CC2D2B: variants seen among roughly 807,000 people sequenced by gnomAD.
The protein encoded by CC2D2B is coiled-coil and C2 domain containing 2B, also known as protein CC2D2B.
In CC2D2B, 128 loss-of-function variants were observed where a neutral mutation model predicts 161.2. The observed-to-expected ratio is 0.79, with a 90% confidence interval of 0.69 to 0.92. The LOEUF (loss-of-function observed/expected upper bound fraction) is 0.92, where lower values mean the gene tolerates loss of function less well. Among genes scored for constraint, CC2D2B ranks in the 40% least tolerant of loss-of-function variants. The pLI is 0.00. For synonymous variants in CC2D2B, 391 were observed against 449.8 expected, an observed-to-expected ratio of 0.87 and a Z score of 1.65; for missense variants, 1,173 against 1,375.1, an observed-to-expected ratio of 0.85 and a Z score of 2.32.
intron 33 of CC2D2B, 117 bp from the exon 34 acceptor site, chr10:96,027,094 GC>G: frequency 2.8e-6 from 2 of 708,876 alleles, no homozygotes; most frequent in Non-Finnish European, 4.3e-6. Context: ...TTGCACTCCA[GC>G]CTGGGGGACA....
intron 11 of CC2D2B, among the ~76,000 whole-genome samples, chr10:95,959,812 A>T (rs2141406131): frequency 1.3e-5 from 2 of 152,300 alleles, no homozygotes; most frequent in Middle Eastern, 6.8e-3. Flanking sequence ...AAGTTATGAA[A>T]CACAGAAGAA....
At chr10:95,990,623 A>G (rs2077914981) in intron 20 of CC2D2B, among the ~76,000 whole-genome samples, 1 of 152,138 alleles carries the variant, frequency 6.6e-6, no homozygotes, top group African/African-American at 2.4e-5. Flanking sequence ...TTCATCTCTC[A>G]CCACTCCATT....
chr10:96,027,429 T>C (rs2141971721), intron 34 of CC2D2B, 40 bp downstream of exon 34: 1 of 1,387,092 alleles, frequency 7.2e-7, no homozygotes, highest in East Asian at 2.6e-5. Context: ...ATTTGTTTTA[T>C]ATATGTTGTT....
At chr10:95,992,775 G>A (rs2078005094) in intron 22 of CC2D2B, 78 bp downstream of exon 22, 3 of 972,404 alleles carry the variant, frequency 3.1e-6, no homozygotes, top group African/African-American at 1.7e-5. Context: ...TGTTCTATTT[G>A]TAAACCTTTG....
Position 96,016,189 on chromosome 10 carries a change from G to C in CC2D2B, c.3517-12G>C, listed in dbSNP as rs886818401. The C allele has an allele frequency of 6.3e-7, 1 of 1,583,160 alleles. No homozygotes were observed. Among genetic ancestry groups the C allele is most frequent in the South Asian group, 1.1e-5 (1 of 89,780 alleles). ...TTCTTTTTTTGTTCCTATTGCTTTT[G>C]TTTTGTCTTAGCACTGCATCAGTTT... On this transcript the variant is annotated splice_polypyrimidine_tract_variant and intron_variant, in intron 29 of 34. Coordinates refer to ENST00000646931, the MANE Select transcript of CC2D2B (RefSeq NM_001349008.3).
Position 95,922,077 on chromosome 10 carries a change from G to T in CC2D2B, c.97+1G>T, listed in dbSNP as rs1454234347. ...ATTATAGACAAGCATCTCCAAAAAG[G>T]TTCTCAATAAGTATACCATAACTCT... On this transcript the variant is annotated splice_donor_variant, in intron 3 of 34. Coordinates refer to ENST00000646931, the MANE Select transcript of CC2D2B (RefSeq NM_001349008.3). LOFTEE classifies it high-confidence loss of function. The T allele has an allele frequency of 6.1e-6, 9 of 1,483,918 alleles. No individual in the cohort carries two copies. The highest frequency in any genetic ancestry group is 8.3e-6 in the Non-Finnish European group (9 of 1,088,098). 91.9% of individuals were successfully genotyped at this position (1,483,918 alleles called of 1,614,324 possible).
At chr10:95,909,057 T>A (rs1311100289) in intron 1 of CC2D2B, among the ~76,000 whole-genome samples, 2 of 152,086 alleles carry the variant, frequency 1.3e-5, no homozygotes, top group Non-Finnish European at 2.9e-5. Context: ...GAGCAGTGGG[T>A]GATTTAGTTT....
intron 24 of CC2D2B, among the ~76,000 whole-genome samples, chr10:96,003,021 A>AATATAT (rs57187442): frequency 6.5e-4 from 92 of 140,702 alleles, no homozygotes; most frequent in Middle Eastern, 3.7e-3. Flanking sequence ...AAAATAAATA[A>AATATAT]ATATATATAT....
At chr10:95,927,055 C>T (rs1195778647) in intron 5 of CC2D2B, among the ~76,000 whole-genome samples, 182 bp from the exon 6 acceptor site, 1 of 151,932 alleles carries the variant, frequency 6.6e-6, no homozygotes, top group Non-Finnish European at 1.5e-5. Context: ...AGAAACAAAA[C>T]AAAAATAAAA....
intron 11 of CC2D2B, among the ~76,000 whole-genome samples, chr10:95,957,880 AT>A (rs1363756723): frequency 1.3e-5 from 2 of 151,466 alleles, no homozygotes; most frequent in African/African-American, 2.4e-5. Context: ...AAAAAAAAAA[AT>A]AACAATAACA....
chr10:95,971,742 CAG>C (rs1279939508), intron 15 of CC2D2B, among the ~76,000 whole-genome samples: 1 of 152,074 alleles, frequency 6.6e-6, no homozygotes, highest in East Asian at 1.9e-4. Flanking sequence ...TAATTTTTAT[CAG>C]ATTTACATGA....
intron 19 of CC2D2B, among the ~76,000 whole-genome samples, chr10:95,986,225 C>T (rs1351734703): frequency 1.3e-5 from 2 of 150,212 alleles, no homozygotes; most frequent in Non-Finnish European, 3.0e-5. Flanking sequence ...AACCTGCCAA[C>T]ATGAGATGTC....
At chr10:95,916,126 G>A (rs2098515881) in intron 2 of CC2D2B, among the ~76,000 whole-genome samples, 1 of 151,932 alleles carries the variant, frequency 6.6e-6, no homozygotes, top group Admixed American at 6.6e-5. Flanking sequence ...GTTCAATCTT[G>A]GTAGGTTGTA....
Position 96,016,217 on chromosome 10 carries a change from C to G in CC2D2B, c.3533C>G (p.Ala1178Gly). The G allele has an allele frequency of 6.2e-7, 1 of 1,611,132 alleles. No homozygotes were observed. Among genetic ancestry groups the G allele is most frequent in the Non-Finnish European group, 8.5e-7 (1 of 1,178,364 alleles). The change falls in exon 30 of 35, where the codon GCT (alanine) becomes GGT (glycine). Residue 1178 changes from alanine to glycine, a missense_variant. Ala to Gly is a moderately conservative substitution (Grantham distance 60). Coordinates refer to ENST00000646931, the MANE Select transcript of CC2D2B (RefSeq NM_001349008.3). ...WMTSEHCISL[A>G]IGNKEEHAIL... ...TTGTCTTAGCACTGCATCAGTTTAGCTATCGGAAATAAGGAGGAGCATGCC... is the reference window on the plus strand; with the variant it reads ...TTGTCTTAGCACTGCATCAGTTTAGGTATCGGAAATAAGGAGGAGCATGCC...
At position 96,011,752 on chromosome 10, in the gene CC2D2B, T is replaced by TACACAC. The variant is rs369797565; in HGVS notation, c.3046-413_3046-408dup. Among the ~76,000 whole-genome samples the TACACAC allele has an allele frequency of 7.4e-5, 11 of 148,136 alleles. No homozygotes were observed. The South Asian group carries it at 1.7e-3, about 23-fold the overall frequency. On this transcript the variant is annotated intron_variant, in intron 26 of 34. Transcript: ENST00000646931. ...CCTCTTACACACACGCACACACACATACACACACACACACACACACACACA... is the reference window on the plus strand; with the variant it reads ...CCTCTTACACACACGCACACACACATACACACACACACACACACACACACACACACA...
chr10:95,908,971 C>T (rs1019667254), intron 1 of CC2D2B, among the ~76,000 whole-genome samples: 1 of 152,024 alleles, frequency 6.6e-6, no homozygotes, highest in Non-Finnish European at 1.5e-5. Flanking sequence ...TACCAGAAGT[C>T]CCAAGATAGA....
chr10:96,025,174 T>TAAAAAAAAAAAAA (rs1564683948), intron 33 of CC2D2B, among the ~76,000 whole-genome samples: 2 of 15,100 alleles, frequency 1.3e-4, no homozygotes, highest in African/African-American at 5.5e-4. Context: ...TATATATATA[T>TAAAAAAAAAAAAA]ATATATATAT....
chr10:95,958,843 G>A (rs947243505), intron 11 of CC2D2B, among the ~76,000 whole-genome samples: 6 of 151,772 alleles, frequency 4.0e-5, no homozygotes, highest in Non-Finnish European at 8.8e-5. Context: ...TAGGATAAAG[G>A]GTAAGAGGAA....
At position 96,026,138 on chromosome 10, in the gene CC2D2B, AACT is replaced by A. The variant is rs1253964613; in HGVS notation, c.3948-1070_3948-1068del. On this transcript the variant is annotated intron_variant, in intron 33 of 34. Coordinates refer to ENST00000646931, the MANE Select transcript of CC2D2B (RefSeq NM_001349008.3). ...CTATTGAGACCCTCTACAAACTCCA[AACT>A]ACTTAGTTGCACTATAAACTCAGCT... 2.0e-5 allele frequency among the ~76,000 whole-genome samples: 3 copies of A among 152,236 alleles called. No homozygotes were observed. The South Asian group carries it at 6.2e-4, about 32-fold the overall frequency.
Sources: gnomAD v4.1 joint callset for allele counts (sites outside exome capture counted in the v4.1 genomes callset) on GRCh38, gnomAD v4.1.1 for gene constraint, MANE v1.5 for transcripts, NCBI Gene and HGNC (gene_info 2026-07-23, HGNC 2026-07-21) for gene names.